The following SLC16A1 variants were observed in gnomAD, a reference collection of about 807,000 sequenced individuals.
The protein encoded by SLC16A1 is solute carrier family 16 member 1, also known as monocarboxylate transporter 1.
In SLC16A1, 11 loss-of-function variants were observed where a neutral mutation model predicts 32.2. That is an observed-to-expected ratio of 0.34 (90% CI 0.21 to 0.56). SLC16A1 has a LOEUF of 0.56. Ranked by LOEUF, SLC16A1 falls within the 20% of genes least tolerant of loss-of-function variation. SLC16A1 has a pLI of 0.87. For synonymous variants in SLC16A1, 231 were observed against 226.8 expected (o/e 1.02, Z -0.17); for missense variants, 435 against 615.0 (o/e 0.71, Z 3.10).
chr1:112,915,554 A>C (rs1648472520), intron 4 of SLC16A1, among the ~76,000 whole-genome samples: 1 of 152,192 alleles, frequency 6.6e-6, no homozygotes, highest in Non-Finnish European at 1.5e-5. Context: ...GAGTTTTAAG[A>C]AATCTTGAAG....
chr1:112,942,112 C>T (rs1170446392), intron 1 of SLC16A1, among the ~76,000 whole-genome samples: 1 of 152,180 alleles, frequency 6.6e-6, no homozygotes, highest in Admixed American at 6.5e-5. Flanking sequence ...GCTGGGATTA[C>T]AGGCGCGTGC....
rs556607689 is a variant in SLC16A1, at chr1:112,918,515, A to G, written c.362-471T>C. On this transcript the variant is annotated intron_variant, in intron 3 of 4. Coordinates refer to ENST00000369626, the MANE Select transcript of SLC16A1 (RefSeq NM_003051.4). ...AAAACAAATTTACACTAGAAAATGCATAAGGCCAGCTGCAGTGGCTCATGT... is the reference window on the plus strand; with the variant it reads ...AAAACAAATTTACACTAGAAAATGCGTAAGGCCAGCTGCAGTGGCTCATGT... 3.3e-5 allele frequency among the ~76,000 whole-genome samples: 5 copies of G among 152,346 alleles called. No individual in the cohort carries two copies. In the South Asian group the frequency reaches 1.0e-3, roughly 32 times the overall value.
At position 112,913,871 on chromosome 1, in the gene SLC16A1, T is replaced by A. The variant is rs746267011; in HGVS notation, c.*20A>T. 2 of 1,614,126 alleles carry A rather than the reference T, an allele frequency of 1.2e-6. No homozygotes were observed. The highest frequency in any genetic ancestry group is 1.7e-6 in the Non-Finnish European group (2 of 1,179,948). ...ATCCTGGGTCATGAACTGCTCAATTTACCCTTCAGCCCCATGGATTCAGAC... is the reference window on the plus strand; with the variant it reads ...ATCCTGGGTCATGAACTGCTCAATTAACCCTTCAGCCCCATGGATTCAGAC... On this transcript the variant is annotated 3_prime_UTR_variant, in exon 5 of 5. Transcript: ENST00000369626.
At chr1:112,952,201 TATTC>T (rs1649922212) in intron 1 of SLC16A1, among the ~76,000 whole-genome samples, 1 of 152,204 alleles carries the variant, frequency 6.6e-6, no homozygotes, top group South Asian at 2.1e-4. Context: ...CTGAGGGACA[TATTC>T]ATCAACATCC....
At chr1:112,920,521 G>A (rs1158289861) in intron 3 of SLC16A1, among the ~76,000 whole-genome samples, 5 of 152,082 alleles carry the variant, frequency 3.3e-5, no homozygotes, top group African/African-American at 7.2e-5. Flanking sequence ...CAGGAGAATC[G>A]CTTGAACCCA....
intron 1 of SLC16A1, among the ~76,000 whole-genome samples, chr1:112,944,088 G>A (rs1649604665): frequency 6.6e-6 from 1 of 152,152 alleles, no homozygotes; most frequent in South Asian, 2.1e-4. Flanking sequence ...TTGAGAAGGG[G>A]AGTTAATATG....
chr1:112,923,818 G>C, intron 2 of SLC16A1: 2 of 1,497,946 alleles, frequency 1.3e-6, no homozygotes, highest in Non-Finnish European at 1.9e-6. Flanking sequence ...TGTAACCTCT[G>C]CAAGAGCAAT....
At chr1:112,939,291 T>C (rs1022104718) in intron 1 of SLC16A1, among the ~76,000 whole-genome samples, 26 of 152,300 alleles carry the variant, frequency 1.7e-4, no homozygotes, top group Middle Eastern at 3.4e-3. Context: ...GAATATAAAC[T>C]GGTGTAGCTG....
At chr1:112,935,108 A>G (rs778755048) in intron 1 of SLC16A1, among the ~76,000 whole-genome samples, 8 of 152,226 alleles carry the variant, frequency 5.3e-5, no homozygotes, top group Non-Finnish European at 8.8e-5. Context: ...GATTTGAAAT[A>G]GAACTAGAAA....
chr1:112,953,274 G>A (rs1362966086), intron 1 of SLC16A1, among the ~76,000 whole-genome samples: 2 of 149,162 alleles, frequency 1.3e-5, no homozygotes, highest in South Asian at 2.1e-4. Flanking sequence ...CTGTTCTCCT[G>A]TATCAGCCTC....
At chr1:112,918,101 TAATAAG>T (rs1648584887) in intron 3 of SLC16A1, 57 bp from the exon 4 acceptor site, 4 of 804,684 alleles carry the variant, frequency 5.0e-6, no homozygotes, top group Non-Finnish European at 4.8e-6. Context: ...AATAAATAAA[TAATAAG>T]AGGTATAAAT....
intron 1 of SLC16A1, among the ~76,000 whole-genome samples, chr1:112,942,325 A>G (rs1348384666): frequency 6.6e-6 from 1 of 152,238 alleles, no homozygotes; most frequent in African/African-American, 2.4e-5. Context: ...TCTTTGCTAA[A>G]TATTAGTCCA....
At chr1:112,914,299 T>A in intron 4 of SLC16A1, 134 bp from the exon 5 acceptor site, 1 of 917,118 alleles carries the variant, frequency 1.1e-6, no homozygotes, top group Non-Finnish European at 1.7e-6. Context: ...TGAATTAGTA[T>A]AAGGAATTGC....
In SLC16A1 at chr1:112,913,871, T is replaced by C. The variant is rs746267011; in HGVS notation, c.*20A>G. 6.2e-7 allele frequency: 1 copy of C among 1,614,126 alleles called. No homozygotes were observed. The highest frequency in any genetic ancestry group is 1.7e-5 in the Admixed American group (1 of 60,020). ...ATCCTGGGTCATGAACTGCTCAATT[T>C]ACCCTTCAGCCCCATGGATTCAGAC... On this transcript the variant is annotated 3_prime_UTR_variant, in exon 5 of 5. Transcript: ENST00000369626.
intron 1 of SLC16A1, among the ~76,000 whole-genome samples, chr1:112,929,647 AC>A (rs1649060725): frequency 1.3e-5 from 2 of 152,056 alleles, no homozygotes; most frequent in Non-Finnish European, 2.9e-5. Flanking sequence ...GGAGTTTGAG[AC>A]CACCCTGGGC....
At chr1:112,948,254 G>C (rs1174713204) in intron 1 of SLC16A1, among the ~76,000 whole-genome samples, 1 of 151,862 alleles carries the variant, frequency 6.6e-6, no homozygotes, top group Non-Finnish European at 1.5e-5. Context: ...AAAGAGAAAA[G>C]TTCATGTGAT....
chr1:112,938,253 C>T (rs1214867220), intron 1 of SLC16A1, among the ~76,000 whole-genome samples: 5 of 152,132 alleles, frequency 3.3e-5, no homozygotes, highest in Admixed American at 1.3e-4. Flanking sequence ...TGGAAACATT[C>T]AAATCCAGAA....
chr1:112,923,269 T>TTGAGCCAC (rs1337069627), intron 2 of SLC16A1, among the ~76,000 whole-genome samples: 2 of 52,152 alleles, frequency 3.8e-5, no homozygotes, highest in Admixed American at 1.9e-4. Flanking sequence ...CGGTGAGCCA[T>TTGAGCCAC]TGCACTCCAG....
At chr1:112,918,979 G>T (rs1332299220) in intron 3 of SLC16A1, among the ~76,000 whole-genome samples, 2 of 148,552 alleles carry the variant, frequency 1.3e-5, no homozygotes, top group African/African-American at 2.5e-5. Context: ...TTGCTAAGAT[G>T]CCAAGGCTCC....
Sources: gnomAD v4.1 joint callset for allele counts (sites outside exome capture counted in the v4.1 genomes callset) on GRCh38, gnomAD v4.1.1 for gene constraint, MANE v1.5 for transcripts, NCBI Gene and HGNC (gene_info 2026-07-23, HGNC 2026-07-21) for gene names.